CPLANE1: variants seen among roughly 807,000 people sequenced by gnomAD.
CPLANE1 encodes the protein ciliogenesis and planar polarity effector 1.
A neutral mutation model predicts 362.5 loss-of-function variants in CPLANE1; 263 were observed. The ratio of observed to expected loss-of-function variants is 0.73; its 90% CI spans 0.66 to 0.80. CPLANE1 has a LOEUF of 0.80. Ranked by LOEUF, CPLANE1 falls within the 30% of genes least tolerant of loss-of-function variation. CPLANE1 has a pLI of 0.00. For synonymous variants in CPLANE1, 1,212 were observed against 1,302.6 expected (o/e 0.93, Z 1.50); for missense variants, 3,461 against 3,793.4 (o/e 0.91, Z 2.30).
chr5:37,121,827 C>T (rs1762725940), intron 48 of CPLANE1, 43 bp from the exon 49 acceptor site: 1 of 1,517,476 alleles, frequency 6.6e-7, no homozygotes, highest in South Asian at 1.1e-5. Flanking sequence ...GAGTCACTTT[C>T]AGTTCATCTA....
Position 37,221,498 on chromosome 5 carries a change from GAAGT to G in CPLANE1, c.2582-14_2582-11del. On this transcript the variant is annotated splice_polypyrimidine_tract_variant and intron_variant, in intron 14 of 52. Coordinates refer to ENST00000651892, the MANE Select transcript of CPLANE1 (RefSeq NM_001384732.1). Reference sequence around the variant, plus strand: ...TACGTCCTTCTTCCTCCTGAAACAAGAAGTAAGCTCACCTTAAAAGTATGTAAGC... The same window carrying G: ...TACGTCCTTCTTCCTCCTGAAACAAGAAGCTCACCTTAAAAGTATGTAAGC... The G allele has an allele frequency of 6.7e-7, 1 of 1,482,276 alleles. No individual in the cohort carries two copies. The highest frequency in any genetic ancestry group is 8.9e-7 in the Non-Finnish European group (1 of 1,120,440). 91.8% of individuals were successfully genotyped at this position (1,482,276 alleles called of 1,614,324 possible).
intron 51 of CPLANE1, among the ~76,000 whole-genome samples, chr5:37,109,363 A>T (rs1239742006): frequency 6.6e-6 from 1 of 152,204 alleles, no homozygotes; most frequent in Non-Finnish European, 1.5e-5. Context: ...GCTAATAAGC[A>T]CTTTTACATT....
intron 14 of CPLANE1, 149 bp downstream of exon 14, chr5:37,224,104 A>G (rs1795930686): frequency 1.8e-6 from 1 of 548,920 alleles, no homozygotes; most frequent in African/African-American, 1.9e-5. Context: ...GAAATTTAGA[A>G]TTATTTTTAA....
chr5:37,172,507 G>A (rs975756386), intron 32 of CPLANE1, among the ~76,000 whole-genome samples: 1 of 152,214 alleles, frequency 6.6e-6, no homozygotes, highest in Non-Finnish European at 1.5e-5. Context: ...AAGTCCCCAA[G>A]TAATCCATCT....
chr5:37,120,141 A>C (rs1762225212), intron 50 of CPLANE1, 75 bp downstream of exon 50: 1 of 1,427,292 alleles, frequency 7.0e-7, no homozygotes, highest in African/African-American at 1.5e-5. Context: ...ACCTTTTACT[A>C]ATGAAAACAC....
At chr5:37,181,850 T>C (rs1245732152) in intron 26 of CPLANE1, among the ~76,000 whole-genome samples, 3 of 150,296 alleles carry the variant, frequency 2.0e-5, no homozygotes, top group African/African-American at 7.4e-5. Flanking sequence ...CCCAGCACTT[T>C]GGGAGGCCGA....
chr5:37,221,133 T>G (rs878946362), intron 15 of CPLANE1, among the ~76,000 whole-genome samples, 191 bp downstream of exon 15: 1 of 152,206 alleles, frequency 6.6e-6, no homozygotes, highest in South Asian at 2.1e-4. Flanking sequence ...CCAACTTTTA[T>G]GTATAAGCAA....
the CPLANE1 span, among the ~76,000 whole-genome samples, chr5:37,078,184 C>T: frequency 6.6e-6 from 1 of 152,268 alleles, no homozygotes; most frequent in Non-Finnish European, 1.5e-5. Context: ...ATTAGCTATT[C>T]TTCCTGATTC....
chr5:37,170,009 C>T, intron 33 of CPLANE1, 32 bp downstream of exon 33: 1 of 1,596,584 alleles, frequency 6.3e-7, no homozygotes, highest in Non-Finnish European at 8.6e-7. Flanking sequence ...GCCACCGCGC[C>T]CAGCCATTAA....
intron 8 of CPLANE1, among the ~76,000 whole-genome samples, chr5:37,233,671 G>A (rs933692319): frequency 6.6e-6 from 1 of 151,634 alleles, no homozygotes; most frequent in Non-Finnish European, 1.5e-5. Flanking sequence ...TACTGCCATC[G>A]CCCACACCAT....
At chr5:37,215,592 T>A (rs1435343703) in intron 15 of CPLANE1, among the ~76,000 whole-genome samples, 2 of 152,116 alleles carry the variant, frequency 1.3e-5, no homozygotes, top group African/African-American at 4.8e-5. Context: ...CAACTGTAGT[T>A]AGTAATTATG....
the CPLANE1 span, among the ~76,000 whole-genome samples, chr5:37,082,227 T>G: frequency 1.2e-4 from 19 of 152,058 alleles, no homozygotes; most frequent in Non-Finnish European, 2.6e-4. Flanking sequence ...AAATAAAAAC[T>G]TAACCTCAAA....
intron 14 of CPLANE1, 81 bp from the exon 15 acceptor site, chr5:37,221,569 G>T: frequency 1.1e-6 from 1 of 950,438 alleles, no homozygotes; most frequent in Non-Finnish European, 1.4e-6. Flanking sequence ...ACGGGAGTGT[G>T]TAGTTTGTGA....
Position 37,131,564 on chromosome 5 carries a change from C to G in CPLANE1, c.8793-6155G>C, listed in dbSNP as rs576125167. 6.0e-5 allele frequency among the ~76,000 whole-genome samples: 9 copies of G among 150,994 alleles called. 1 individual carries two copies. The highest frequency in any genetic ancestry group is 2.2e-4 in the African/African-American group (9 of 40,798). ...TTTTTTTTTGAGACGGAGTTTCGCTCTAGTCGCCCAGGCTGGAGTGCAGTG... is the reference window on the plus strand; with the variant it reads ...TTTTTTTTTGAGACGGAGTTTCGCTGTAGTCGCCCAGGCTGGAGTGCAGTG... On this transcript the variant is annotated intron_variant, in intron 46 of 52. Transcript: ENST00000651892.
Position 37,224,295 on chromosome 5 carries a change from C to T in CPLANE1, c.2539G>A (p.Val847Ile), listed in dbSNP as rs1426431422. Residue 847 changes from valine (V) to isoleucine (I), a missense_variant, in exon 14 of 53, where the codon GTT (valine) becomes ATT (isoleucine). Val to Ile is a conservative substitution (Grantham distance 29). Coordinates refer to ENST00000651892, the MANE Select transcript of CPLANE1 (RefSeq NM_001384732.1). ...CFLLGSYEKS[V>I]QLWKKALQEI... ...TGTAGAGCTTTTTTCCACAGCTGAA[C>T]AGACTTTTCATATGATCCTAATAAA... 1 of 1,549,694 alleles carries T rather than the reference C, an allele frequency of 6.5e-7. No homozygotes were observed. Among genetic ancestry groups the T allele is most frequent in the African/African-American group, 1.4e-5 (1 of 72,970 alleles).
At chr5:37,219,413 A>G (rs1794869768) in intron 15 of CPLANE1, among the ~76,000 whole-genome samples, 2 of 152,014 alleles carry the variant, frequency 1.3e-5, no homozygotes, top group Non-Finnish European at 2.9e-5. Context: ...CTGTAATCCC[A>G]GCTACTCAGG....
At chr5:37,228,561 C>T (rs1796967216) in intron 9 of CPLANE1, among the ~76,000 whole-genome samples, 2 of 151,970 alleles carry the variant, frequency 1.3e-5, no homozygotes, top group African/African-American at 2.4e-5. Flanking sequence ...AAAAGATATA[C>T]TGTGAAATCA....
At chr5:37,127,909 A>G (rs561537714) in intron 46 of CPLANE1, among the ~76,000 whole-genome samples, 9 of 152,172 alleles carry the variant, frequency 5.9e-5, no homozygotes, top group Non-Finnish European at 1.2e-4. Context: ...GTGCAGTGGC[A>G]CACATCTGTG....
intron 44 of CPLANE1, chr5:37,140,346 T>C: frequency 1.0e-6 from 1 of 980,004 alleles, no homozygotes; most frequent in Non-Finnish European, 1.2e-6. Flanking sequence ...CTTGAAAACA[T>C]ATTGTTCTAT....
Sources: gnomAD v4.1 joint callset for allele counts (sites outside exome capture counted in the v4.1 genomes callset) on GRCh38, gnomAD v4.1.1 for gene constraint, MANE v1.5 for transcripts, NCBI Gene and HGNC (gene_info 2026-07-23, HGNC 2026-07-21) for gene names.